Variants in CTNNA3 observed in about 807,000 individuals in gnomAD.
The protein encoded by CTNNA3 is catenin alpha-3.
CTNNA3 carries 76 observed loss-of-function variants against 95.7 expected under a neutral mutation model. The ratio of observed to expected loss-of-function variants is 0.79; its 90% confidence interval spans 0.66 to 0.96. CTNNA3 has a LOEUF of 0.96. Among genes scored for constraint, CTNNA3 ranks in the 40% least tolerant of loss-of-function variants. The pLI is 0.00. For synonymous variants in CTNNA3, 431 were observed against 374.4 expected, an observed-to-expected ratio of 1.15 and a Z score of -1.74; for missense variants, 1,191 against 1,089.8, an observed-to-expected ratio of 1.09 and a Z score of -1.31.
At chr10:66,854,063 G>A (rs1843598712) in intron 7 of CTNNA3, among the ~76,000 whole-genome samples, 1 of 152,040 alleles carries the variant, frequency 6.6e-6, no homozygotes, top group African/African-American at 2.4e-5. Flanking sequence ...TAAAGTAAAT[G>A]ACCAGGAACA....
chr10:66,530,699 C>T (rs1841435751), intron 10 of CTNNA3, among the ~76,000 whole-genome samples: 1 of 152,094 alleles, frequency 6.6e-6, no homozygotes, highest in Non-Finnish European at 1.5e-5. Flanking sequence ...AAACTGCATT[C>T]AACTTTGGCC....
At chr10:67,260,365 T>G (rs1564518528) in intron 5 of CTNNA3, among the ~76,000 whole-genome samples, 1 of 152,228 alleles carries the variant, frequency 6.6e-6, no homozygotes, top group South Asian at 2.1e-4. Flanking sequence ...TCCTTTATAA[T>G]TAGCCTTCTC....
intron 9 of CTNNA3, among the ~76,000 whole-genome samples, chr10:66,659,126 T>C (rs2132436695): frequency 6.6e-6 from 1 of 152,006 alleles, no homozygotes; most frequent in African/African-American, 2.4e-5. Context: ...CAAGAAAATT[T>C]TCCATACCTT....
chr10:66,504,242 C>G (rs1840375405), intron 11 of CTNNA3, among the ~76,000 whole-genome samples: 1 of 152,138 alleles, frequency 6.6e-6, no homozygotes, highest in Non-Finnish European at 1.5e-5. Context: ...AACCACTATT[C>G]TACTCCCTGC....
intron 13 of CTNNA3, among the ~76,000 whole-genome samples, chr10:66,239,150 CAATT>C (rs1345966718): frequency 2.0e-5 from 3 of 151,470 alleles, no homozygotes; most frequent in East Asian, 1.9e-4. Context: ...TTTCAATAAT[CAATT>C]AATCAATTAA....
At chr10:66,265,878 G>A (rs2091136178) in intron 13 of CTNNA3, among the ~76,000 whole-genome samples, 1 of 151,840 alleles carries the variant, frequency 6.6e-6, no homozygotes, top group African/African-American at 2.4e-5. Flanking sequence ...CTACAAAAAT[G>A]TAAACTCCAT....
intron 7 of CTNNA3, among the ~76,000 whole-genome samples, chr10:67,119,996 C>A (rs1281183917): frequency 6.6e-6 from 1 of 151,826 alleles, no homozygotes; most frequent in Non-Finnish European, 1.5e-5. Context: ...ATTTCCATAT[C>A]TTAGCTCTAG....
rs149412620 is a variant in CTNNA3 at position 66,771,638 on chromosome 10, G to A, written c.1128+3806C>T. On this transcript the variant is annotated intron_variant, in intron 8 of 17. Coordinates refer to ENST00000433211, the MANE Select transcript of CTNNA3 (RefSeq NM_013266.4). ...TGGGCTAGAACTGTGTCTCTATCAC[G>A]TAGCTGGGTGATGTTTGCTATGTTA... Among the ~76,000 whole-genome samples, 840 of 152,226 alleles carry A rather than the reference G, an allele frequency of 5.5e-3. 8 individuals are homozygous for A. Among genetic ancestry groups the A allele is most frequent in the African/African-American group, 0.019 (788 of 41,532 alleles).
intron 17 of CTNNA3, among the ~76,000 whole-genome samples, chr10:65,959,152 A>G (rs2077790842): frequency 6.6e-6 from 1 of 152,290 alleles, no homozygotes; most frequent in South Asian, 2.1e-4. Flanking sequence ...CTGCTGTGCC[A>G]GCAGTGAGTG....
At chr10:67,637,695 G>C (rs935484108) in intron 2 of CTNNA3, among the ~76,000 whole-genome samples, 7 of 152,230 alleles carry the variant, frequency 4.6e-5, no homozygotes, top group African/African-American at 9.6e-5. Context: ...CCAGAAGAGA[G>C]TGGGGGCCAA....
At chr10:67,432,040 A>G (rs1311344693) in intron 5 of CTNNA3, among the ~76,000 whole-genome samples, 1 of 152,064 alleles carries the variant, frequency 6.6e-6, no homozygotes, top group Non-Finnish European at 1.5e-5. Context: ...AATTAAAAAT[A>G]TTTTGAACTG....
chr10:66,826,045 G>A (rs146707650), intron 7 of CTNNA3, among the ~76,000 whole-genome samples: 1 of 152,236 alleles, frequency 6.6e-6, no homozygotes, highest in East Asian at 1.9e-4. Context: ...TTTTAGGGGA[G>A]GAGTGAAAGG....
At chr10:67,352,822 T>G (rs1399116832) in intron 5 of CTNNA3, among the ~76,000 whole-genome samples, 4 of 152,026 alleles carry the variant, frequency 2.6e-5, no homozygotes, top group African/African-American at 9.6e-5. Context: ...CAGTAGCACT[T>G]TCTTTCCTCT....
At chr10:67,165,050 C>A (rs1861702017) in intron 7 of CTNNA3, among the ~76,000 whole-genome samples, 1 of 152,128 alleles carries the variant, frequency 6.6e-6, no homozygotes, top group Non-Finnish European at 1.5e-5. Flanking sequence ...ACACAAAAAT[C>A]TGTACCCAAT....
At chr10:67,143,448 T>A (rs977898605) in intron 7 of CTNNA3, among the ~76,000 whole-genome samples, 7 of 63,532 alleles carry the variant, frequency 1.1e-4, no homozygotes, top group South Asian at 5.4e-4. Flanking sequence ...AAAAAAAAAA[T>A]TATCTGTAGT....
chr10:66,424,595 G>C (rs1373859145), intron 11 of CTNNA3, among the ~76,000 whole-genome samples: 3 of 151,714 alleles, frequency 2.0e-5, no homozygotes, highest in Non-Finnish European at 2.9e-5. Context: ...ATAATTTTCT[G>C]TATTTTTATT....
intron 7 of CTNNA3, among the ~76,000 whole-genome samples, chr10:67,172,113 A>G (rs957833776): frequency 2.6e-5 from 4 of 151,932 alleles, no homozygotes; most frequent in African/African-American, 9.7e-5. Context: ...GGAATTCCCA[A>G]CTCCCTCAAC....
At chr10:67,738,980 A>G (rs151258386) in intron 1 of CTNNA3, among the ~76,000 whole-genome samples, 1,854 of 152,334 alleles carry the variant, frequency 0.012, 20 homozygotes, top group Non-Finnish European at 0.021. Context: ...TGTACCTGAA[A>G]GTGACGGGGA....
At chr10:66,317,667 T>C (rs931126142) in intron 12 of CTNNA3, among the ~76,000 whole-genome samples, 1 of 148,542 alleles carries the variant, frequency 6.7e-6, no homozygotes, top group African/African-American at 2.5e-5. Context: ...TGCAAGACTC[T>C]GTCTCAAAAA....
Sources: gnomAD v4.1 joint callset for allele counts (sites outside exome capture counted in the v4.1 genomes callset) on GRCh38, gnomAD v4.1.1 for gene constraint, MANE v1.5 for transcripts, NCBI Gene and HGNC (gene_info 2026-07-23, HGNC 2026-07-21) for gene names.